Variants in PRKCA observed in about 807,000 individuals in gnomAD.
PRKCA encodes protein kinase C alpha type.
Under a neutral mutation model 87.0 loss-of-function variants are expected in PRKCA, and 27 were observed. The ratio of observed to expected loss-of-function variants is 0.31; its 90% CI spans 0.23 to 0.43. The LOEUF (loss-of-function observed/expected upper bound fraction) is 0.43. PRKCA is among the 20% of genes least tolerant of loss of function. The pLI, the probability that PRKCA is intolerant of heterozygous loss-of-function variation, is 1.00. For synonymous variants in PRKCA, 329 were observed against 311.1 expected (o/e 1.06, Z -0.61); for missense variants, 518 against 852.3 (o/e 0.61, Z 4.88).
At chr17:66,725,415 T>A (rs1287415445) in intron 8 of PRKCA, among the ~76,000 whole-genome samples, 3 of 152,310 alleles carry the variant, frequency 2.0e-5, no homozygotes, top group Middle Eastern at 3.4e-3. Flanking sequence ...TTTGAATGCA[T>A]GTGCCTGATA....
chr17:66,623,444 A>G lies in PRKCA; in HGVS notation c.289-17911A>G, dbSNP rs543305194. On this transcript the variant is annotated intron_variant, in intron 3 of 16. Transcript: ENST00000413366. ...GCTGCAGCTTGGGTTAAATGTCACCATTGTCATTATCTTCAGCAAACATGT... is the reference window on the plus strand; with the variant it reads ...GCTGCAGCTTGGGTTAAATGTCACCGTTGTCATTATCTTCAGCAAACATGT... Among the ~76,000 whole-genome samples the G allele has an allele frequency of 8.6e-4, 131 of 152,322 alleles. 1 individual carries two copies. Among genetic ancestry groups the G allele is most frequent in the African/African-American group, 1.3e-3 (54 of 41,580 alleles).
rs143285178 is a variant in PRKCA at position 66,713,188 on chromosome 17, A to G, written c.919-19500A>G. 7.4e-3 allele frequency among the ~76,000 whole-genome samples: 1,122 copies of G among 151,366 alleles called. 19 individuals carry two copies. Among genetic ancestry groups the G allele is most frequent in the African/African-American group, 0.026 (1,077 of 41,218 alleles). ...TGCCTCAGTCTACCGAGTAGCTGGG[A>G]CTACAGGCACGCGCCACCATGCCCG... is the stretch of plus-strand genomic sequence containing the variant. On this transcript the variant is annotated intron_variant, in intron 8 of 16. Coordinates refer to ENST00000413366, the MANE Select transcript of PRKCA (RefSeq NM_002737.3).
rs192100028 is a variant in PRKCA at position 66,339,298 on chromosome 17, C to T, written c.205+33171C>T. The stretch of plus-strand genomic sequence containing the variant: ...GCATTGAGATTCGGCTGTTTATTTG[C>T]AGAAATAGTTAATCTATCTTTCTTT... On this transcript the variant is annotated intron_variant, in intron 2 of 16. Transcript: ENST00000413366. 2.8e-3 allele frequency among the ~76,000 whole-genome samples: 425 copies of T among 152,278 alleles called. 4 individuals are homozygous for T. Among genetic ancestry groups the T allele is most frequent in the African/African-American group, 9.6e-3 (399 of 41,546 alleles).
At chr17:66,386,461 G>T (rs1254555692) in intron 2 of PRKCA, among the ~76,000 whole-genome samples, 3 of 152,202 alleles carry the variant, frequency 2.0e-5, no homozygotes, top group Non-Finnish European at 2.9e-5. Flanking sequence ...CTCTGAGCAA[G>T]TTGCTTTATC....
chr17:66,731,692 C>T (rs1010310316), intron 8 of PRKCA, among the ~76,000 whole-genome samples: 4 of 151,470 alleles, frequency 2.6e-5, no homozygotes, highest in African/African-American at 9.7e-5. Context: ...CCCTCTAGAG[C>T]TTCTAAAAAC....
intron 2 of PRKCA, among the ~76,000 whole-genome samples, chr17:66,456,508 G>GA (rs1281323819): frequency 6.6e-6 from 1 of 152,140 alleles, no homozygotes; most frequent in Non-Finnish European, 1.5e-5. Flanking sequence ...GCCCAGATGT[G>GA]ATGCCCAGGT....
At chr17:66,381,138 C>T (rs1455401634) in intron 2 of PRKCA, among the ~76,000 whole-genome samples, 7 of 151,872 alleles carry the variant, frequency 4.6e-5, no homozygotes, top group Non-Finnish European at 7.4e-5. Context: ...GCTGGGGTCT[C>T]GCTATGTTGG....
intron 2 of PRKCA, among the ~76,000 whole-genome samples, chr17:66,424,795 G>A (rs960403041): frequency 2.0e-5 from 3 of 151,250 alleles, no homozygotes; most frequent in Non-Finnish European, 2.9e-5. Flanking sequence ...TGACACCCAG[G>A]CTGGAATGCA....
intron 3 of PRKCA, chr17:66,554,547 T>G (rs1212616784): frequency 1.8e-5 from 17 of 966,426 alleles, no homozygotes; most frequent in Non-Finnish European, 2.1e-5. Flanking sequence ...CTAGTCTGCC[T>G]CTACCTTTTG....
intron 3 of PRKCA, among the ~76,000 whole-genome samples, chr17:66,518,889 A>C (rs183006597): frequency 6.6e-6 from 1 of 152,174 alleles, no homozygotes; most frequent in East Asian, 1.9e-4. Flanking sequence ...CGTGTAAGGG[A>C]CTCCCTGAAA....
chr17:66,322,639 GT>G (rs71160559), intron 2 of PRKCA, among the ~76,000 whole-genome samples: 178 of 132,186 alleles, frequency 1.3e-3, no homozygotes, highest in Middle Eastern at 3.8e-3. Context: ...ATTTTTAATT[GT>G]TTTTTTTTTT....
intron 15 of PRKCA, among the ~76,000 whole-genome samples, chr17:66,787,872 A>G (rs1975439716): frequency 6.6e-6 from 1 of 151,938 alleles, no homozygotes. Context: ...GTGTGGGGCC[A>G]TAGTTCCTCC....
intron 5 of PRKCA, among the ~76,000 whole-genome samples, chr17:66,650,112 A>G (rs1971553851): frequency 6.6e-6 from 1 of 152,204 alleles, no homozygotes; most frequent in Non-Finnish European, 1.5e-5. Context: ...AGCTGTGTTA[A>G]TTGCTAGGTT....
rs28564137 is a variant in PRKCA at position 66,679,469 on chromosome 17, C to T, written c.530-7642C>T. ...GTGCTGGGATTACAGGTTGAGCCACCGTGCCCGGCCTACACTCACACCTTT... is the reference window on the plus strand; with the variant it reads ...GTGCTGGGATTACAGGTTGAGCCACTGTGCCCGGCCTACACTCACACCTTT... On this transcript the variant is annotated intron_variant, in intron 5 of 16. Coordinates refer to ENST00000413366, the MANE Select transcript of PRKCA (RefSeq NM_002737.3). 8.3e-3 allele frequency among the ~76,000 whole-genome samples: 1,264 copies of T among 152,296 alleles called. 14 individuals carry two copies. The highest frequency in any genetic ancestry group is 0.029 in the African/African-American group (1,206 of 41,560).
At chr17:66,499,986 G>A (rs1916657815) in intron 3 of PRKCA, among the ~76,000 whole-genome samples, 3 of 152,176 alleles carry the variant, frequency 2.0e-5, no homozygotes, top group Admixed American at 6.5e-5. Context: ...AACTGCCAAC[G>A]TGATTGTATT....
chr17:66,506,597 C>A (rs368057645), intron 3 of PRKCA, among the ~76,000 whole-genome samples: 1 of 152,106 alleles, frequency 6.6e-6, no homozygotes, highest in African/African-American at 2.4e-5. Context: ...TACAGCTGTG[C>A]GTGAGACTTT....
At chr17:66,640,729 G>A (rs1021084335) in intron 3 of PRKCA, among the ~76,000 whole-genome samples, 13 of 152,330 alleles carry the variant, frequency 8.5e-5, no homozygotes, top group African/African-American at 3.1e-4. Flanking sequence ...AGACAGAGAA[G>A]CCAAGTTGTT....
At chr17:66,550,221 G>A (rs1968283453) in intron 3 of PRKCA, among the ~76,000 whole-genome samples, 3 of 152,302 alleles carry the variant, frequency 2.0e-5, no homozygotes, top group Admixed American at 2.0e-4. Flanking sequence ...ATGTTCATCT[G>A]CTTCTAAGCC....
chr17:66,795,200 A>T (rs1267557924), intron 16 of PRKCA, among the ~76,000 whole-genome samples: 1 of 152,160 alleles, frequency 6.6e-6, no homozygotes, highest in Non-Finnish European at 1.5e-5. Context: ...TATGTAGTGC[A>T]GGGGCTCTGC....
Sources: allele counts gnomAD v4.1 joint callset (sites outside exome capture counted in the v4.1 genomes callset), GRCh38; gene constraint gnomAD v4.1.1; transcripts MANE v1.5; gene names NCBI Gene and HGNC (gene_info 2026-07-23, HGNC 2026-07-21).